SPATA13: variants seen among roughly 807,000 people sequenced by gnomAD.
The protein encoded by SPATA13 is spermatogenesis associated 13.
Under a neutral mutation model 104.0 loss-of-function variants are expected in SPATA13, and 50 were observed. That is an observed-to-expected ratio of 0.48 (90% confidence interval 0.38 to 0.61). SPATA13 has a LOEUF of 0.61. SPATA13 is among the 20% of genes least tolerant of loss of function. The pLI is 0.00. For synonymous variants in SPATA13, 606 were observed against 667.5 expected, an observed-to-expected ratio of 0.91 and a Z score of 1.42; for missense variants, 1,524 against 1,690.6, an observed-to-expected ratio of 0.90 and a Z score of 1.73.
At position 24,302,621 on chromosome 13, in the gene SPATA13, C is replaced by T. The variant is rs1165017447; in HGVS notation, c.3682C>T (p.Pro1228Ser). The T allele has an allele frequency of 6.2e-7, 1 of 1,611,138 alleles. No homozygotes were observed. Among genetic ancestry groups the T allele is most frequent in the African/African-American group, 1.3e-5 (1 of 74,864 alleles). ...SKGYNRCPVA[P>S]PHQGLHPIHQ... ...AGGCTACAACAGGTGCCCTGTGGCC[C>T]CACCGCACCAGGGCCTGCACCCCAT... is the stretch of plus-strand genomic sequence containing the variant. The change falls in exon 13 of 13, where the codon CCA becomes TCA. Residue 1228 changes from proline (P) to serine (S), a missense_variant. By Grantham distance (74) the Pro-to-Ser change is moderately conservative. This residue lies in a region of SPATA13 where 435 missense variants were observed against 554.8 expected (regional missense o/e 0.78). Transcript: ENST00000382108.
rs1197997306 is a variant in SPATA13 at position 24,088,705 on chromosome 13, G to A, written c.-112+71004G>A. Among the ~76,000 whole-genome samples the A allele has an allele frequency of 4.6e-5, 7 of 152,110 alleles. No homozygotes were observed. The highest frequency in any genetic ancestry group is 4.6e-4 in the Admixed American group (7 of 15,270). On this transcript the variant is annotated intron_variant, in intron 3 of 14. Coordinates refer to the SPATA13 transcript ENST00000424834. This position sits in a 1 kb window ranked among gnomAD's most constrained non-coding sequence, Gnocchi z 4.3. ...GTATAGTAGAAACTCAGTGGCACTC[G>A]GGCCCTGCTTCTCACTGAGAGCTGC...
At chr13:23,996,869 G>T (rs1368593021) in intron 2 of SPATA13, among the ~76,000 whole-genome samples, 6 of 152,000 alleles carry the variant, frequency 3.9e-5, no homozygotes, top group Non-Finnish European at 8.8e-5. Flanking sequence ...TCCTTCTCAG[G>T]CTCCCCAGCC....
rs114590794 is a variant in SPATA13 at position 24,054,314 on chromosome 13, C to T, written c.-112+36613C>T. 6.0e-3 allele frequency among the ~76,000 whole-genome samples: 919 copies of T among 152,284 alleles called. 16 individuals carry two copies. The highest frequency in any genetic ancestry group is 0.019 in the African/African-American group (806 of 41,548). On this transcript the variant is annotated intron_variant, in intron 3 of 14. Transcript: ENST00000424834. ...GAACTGCAAATCCATCTGCAGCCATCTTAGATAGATGAATGTGAAGTTTAA... is the reference window on the plus strand; with the variant it reads ...GAACTGCAAATCCATCTGCAGCCATTTTAGATAGATGAATGTGAAGTTTAA...
At chr13:24,185,746 G>GTTTTT (rs1869106403) in intron 1 of SPATA13, among the ~76,000 whole-genome samples, 1 of 149,038 alleles carries the variant, frequency 6.7e-6, no homozygotes, top group Non-Finnish European at 1.5e-5. Flanking sequence ...CATGAGCCCT[G>GTTTTT]TGTTAGTCAG....
upstream of SPATA13, chr13:24,160,629 T>A: frequency 1.3e-6 from 1 of 764,746 alleles, no homozygotes; most frequent in Non-Finnish European, 1.5e-6. Flanking sequence ...GGGAGTGAGC[T>A]AACCGGGGGC....
chr13:24,122,625 AC>A, intron 3 of SPATA13: 2 of 1,352,182 alleles, frequency 1.5e-6, no homozygotes, highest in South Asian at 2.3e-5. Context: ...TCCTGTAAGA[AC>A]CTTTTTGCAC....
At chr13:24,087,514 AC>A in intron 3 of SPATA13, among the ~76,000 whole-genome samples, 1 of 152,284 alleles carries the variant, frequency 6.6e-6, no homozygotes, top group Non-Finnish European at 1.5e-5. Context: ...CGTTAATAGA[AC>A]CTAAAGGTTT....
chr13:24,059,717 T>G (rs1000870766), intron 3 of SPATA13, among the ~76,000 whole-genome samples: 2 of 152,244 alleles, frequency 1.3e-5, no homozygotes, highest in Admixed American at 1.3e-4. Flanking sequence ...GGAACTTTGC[T>G]GAAGTTGTTT....
intron 2 of SPATA13, among the ~76,000 whole-genome samples, chr13:24,236,524 C>T (rs556253254): frequency 2.4e-4 from 35 of 147,610 alleles, no homozygotes; most frequent in South Asian, 1.5e-3. Context: ...TGAACCCAGG[C>T]GGCGGAGGTT....
chr13:24,222,466 T>C (rs751758462), intron 1 of SPATA13, among the ~76,000 whole-genome samples: 2 of 138,250 alleles, frequency 1.4e-5, no homozygotes, highest in Non-Finnish European at 3.2e-5. Flanking sequence ...TGGTATTTCC[T>C]AATTATTTTT....
chr13:24,160,974 G>A (rs1882452127), intron 1 of SPATA13, 42 bp downstream of exon 1: 16 of 973,406 alleles, frequency 1.6e-5, no homozygotes, highest in Admixed American at 6.1e-5. Flanking sequence ...GGCGGGCGCG[G>A]GCATGGGCTG....
intron 3 of SPATA13, among the ~76,000 whole-genome samples, chr13:24,085,468 C>T (rs1879686968): frequency 6.6e-6 from 1 of 152,138 alleles, no homozygotes; most frequent in Admixed American, 6.5e-5. Context: ...AACTTAGAAA[C>T]GTCCAGAGGG....
At chr13:24,256,512 G>C (rs554098187) in intron 4 of SPATA13, among the ~76,000 whole-genome samples, 7 of 151,794 alleles carry the variant, frequency 4.6e-5, no homozygotes, top group Middle Eastern at 3.4e-3. Context: ...AAATTAAGTA[G>C]TATCCACAAC....
chr13:24,173,512 T>TCC (rs1883086608), intron 1 of SPATA13, among the ~76,000 whole-genome samples: 1 of 84,428 alleles, frequency 1.2e-5, no homozygotes. Context: ...GTCCCCCAAC[T>TCC]TTTTTTTTTT....
rs568646708 is a variant in SPATA13 at position 24,038,373 on chromosome 13, G to A, written c.-112+20672G>A. ...GTTCCCTCTGTTCTATGTTTACATT[G>A]GAGTCCCAACCATCTGGTTATTTTT... On this transcript the variant is annotated intron_variant, in intron 3 of 14. Transcript: ENST00000424834. 1.7e-4 allele frequency among the ~76,000 whole-genome samples: 26 copies of A among 152,134 alleles called. No individual in the cohort carries two copies. In the East Asian group the frequency reaches 4.8e-3, roughly 28 times the overall value.
intron 2 of SPATA13, among the ~76,000 whole-genome samples, chr13:23,991,418 A>G (rs1566064316): frequency 1.3e-5 from 2 of 152,180 alleles, no homozygotes; most frequent in African/African-American, 2.4e-5. Context: ...CTCTGTCTGA[A>G]GTAAGCAAAC....
Position 24,051,732 on chromosome 13 carries a change from G to T in SPATA13, c.-112+34031G>T, listed in dbSNP as rs754704990. Among the ~76,000 whole-genome samples, 22 of 150,922 alleles carry T rather than the reference G, an allele frequency of 1.5e-4. No individual in the cohort carries two copies. Among genetic ancestry groups the T allele is most frequent in the African/African-American group, 4.2e-4 (17 of 40,730 alleles). ...GAATCTTCAGAGGTGGGAGCTTTAG[G>T]GGGGAAGTGGTAGCGATTGGAGTCA... On this transcript the variant is annotated intron_variant, in intron 3 of 14. Coordinates refer to the SPATA13 transcript ENST00000424834. This position sits in a 1 kb window ranked among gnomAD's most constrained non-coding sequence, Gnocchi z 4.2.
intron 2 of SPATA13, among the ~76,000 whole-genome samples, chr13:24,240,773 A>T (rs1872793251): frequency 6.6e-6 from 1 of 152,238 alleles, no homozygotes; most frequent in South Asian, 2.1e-4. Context: ...AACAGGTTAC[A>T]TACAAGGCCA....
intron 11 of SPATA13, 89 bp downstream of exon 11, chr13:24,297,824 C>A: frequency 4.1e-6 from 6 of 1,457,636 alleles, no homozygotes; most frequent in Non-Finnish European, 4.6e-6. Context: ...TCTGCCCAGC[C>A]TTCTCCCTCA....
Sources: allele counts gnomAD v4.1 joint callset (sites outside exome capture counted in the v4.1 genomes callset), GRCh38; gene constraint gnomAD v4.1.1; regional missense constraint gnomAD v4.1.1; non-coding constraint Gnocchi (gnomAD v3.1); transcripts MANE v1.5; gene names NCBI Gene and HGNC (gene_info 2026-07-23, HGNC 2026-07-21).